The following AKAP17A variants were observed in gnomAD, a reference collection of about 807,000 sequenced individuals.
The protein encoded by AKAP17A is A-kinase anchoring protein 17A.
In AKAP17A, 15 loss-of-function variants were observed where a neutral mutation model predicts 52.2. The observed-to-expected ratio is 0.29, with a 90% CI of 0.19 to 0.44. AKAP17A has a LOEUF of 0.44. Among genes scored for constraint, AKAP17A ranks in the 20% least tolerant of loss-of-function variants. AKAP17A has a pLI of 1.00. For missense variants in AKAP17A, 1,060 were observed against 1,007.0 expected, an observed-to-expected ratio of 1.05 and a Z score of -0.71; for synonymous variants, 514 against 424.7, an observed-to-expected ratio of 1.21 and a Z score of -2.58.
chrX:1,598,407 C>G (rs1933139338), intron 3 of AKAP17A, among the ~76,000 whole-genome samples: 1 of 152,148 alleles, frequency 6.6e-6, no homozygotes, highest in South Asian at 2.1e-4. Flanking sequence ...TCTGTGTCAC[C>G]CCGGCGGGCT....
At chrX:1,593,163 T>C (rs1348319209) in intron 1 of AKAP17A, among the ~76,000 whole-genome samples, 1 of 152,158 alleles carries the variant, frequency 6.6e-6, no homozygotes, top group Non-Finnish European at 1.5e-5. Flanking sequence ...AGCTGCTGGC[T>C]GCTGGATGTA....
chrX:1,592,740 A>T (rs1450804505), intron 1 of AKAP17A, among the ~76,000 whole-genome samples: 3 of 152,064 alleles, frequency 2.0e-5, no homozygotes, highest in African/African-American at 7.2e-5. Context: ...GGCCGTCAGG[A>T]AGTGGCTGCC....
intron 3 of AKAP17A, among the ~76,000 whole-genome samples, chrX:1,598,114 G>A (rs747882783): frequency 1.1e-3 from 169 of 152,310 alleles, no homozygotes; most frequent in African/African-American, 3.8e-3. Context: ...GCCCAGCCTC[G>A]AGGCGTCGCT....
rs202221577 is a variant in AKAP17A, at chrX:1,593,516, T to C, written c.54T>C (p.Pro18=). The C allele has an allele frequency of 3.8e-4, 618 of 1,613,808 alleles. 8 individuals are homozygous for C. The East Asian group carries it at 0.012, about 32-fold the overall frequency. Residue 18 remains proline, a synonymous_variant, in exon 2 of 5, where the codon CCT becomes CCC. Transcript: ENST00000313871. The part of the protein sequence containing the change: ...HDTSEAVELC[P]AYGLYLKPIT... ...CGTCTGAGGCCGTGGAGCTCTGCCCTGCTTACGGCTTGTACCTGAAGCCCA... is the reference window on the plus strand; with the variant it reads ...CGTCTGAGGCCGTGGAGCTCTGCCCCGCTTACGGCTTGTACCTGAAGCCCA...
rs1933435368 is a variant in AKAP17A, at chrX:1,602,342, T to G, written c.*748T>G. 1 of 152,166 alleles carries G rather than the reference T, an allele frequency of 6.6e-6. No individual in the cohort carries two copies. Among genetic ancestry groups the G allele is most frequent in the African/African-American group, 2.4e-5 (1 of 41,448 alleles). The allele number at this position is 152,166 out of a possible 1,614,324, so 9.4% of individuals were successfully genotyped here. On this transcript the variant is annotated 3_prime_UTR_variant, in exon 5 of 5. Transcript: ENST00000313871. The stretch of plus-strand genomic sequence containing the variant: ...TTAAGAAGCTGTTTTGCTAAATTAT[T>G]TTTACTTGGAATGTTTCAAACAGAT...
At chrX:1,598,855 G>A (rs1202536623) in intron 3 of AKAP17A, among the ~76,000 whole-genome samples, 1 of 152,216 alleles carries the variant, frequency 6.6e-6, no homozygotes, top group African/African-American at 2.4e-5. Flanking sequence ...GCCTGCTGGG[G>A]TTCCTCTTTC....
chrX:1,595,647 T>C, intron 3 of AKAP17A, 115 bp downstream of exon 3: 1 of 1,470,054 alleles, frequency 6.8e-7, no homozygotes, highest in Non-Finnish European at 9.4e-7. Flanking sequence ...CATGCATGCT[T>C]GTGAGCTTGT....
chrX:1,598,268 G>T (rs1331600243), intron 3 of AKAP17A, among the ~76,000 whole-genome samples: 5 of 152,196 alleles, frequency 3.3e-5, no homozygotes, highest in African/African-American at 1.2e-4. Flanking sequence ...CGGAGACCGT[G>T]TGGATCACTG....
At chrX:1,592,132 G>T (rs1241344705) in intron 1 of AKAP17A, among the ~76,000 whole-genome samples, 5 of 151,772 alleles carry the variant, frequency 3.3e-5, no homozygotes, top group African/African-American at 9.7e-5. Flanking sequence ...GGGACGTGGC[G>T]CTGCGGTCGC....
chrX:1,593,805 G>T lies in AKAP17A; in HGVS notation c.343G>T (p.Ala115Ser). 1 of 1,612,998 alleles carries T rather than the reference G, an allele frequency of 6.2e-7. No homozygotes were observed. The highest frequency in any genetic ancestry group is 1.7e-5 in the Admixed American group (1 of 59,980). ...GFSDILKVRA[A>S]EFKIDFPTRH... Reference sequence around the variant, plus strand: ...CTCCGACATCCTGAAGGTGCGCGCGGCCGAGTTCAAGATCGACTTCCCCAC... The same window carrying T: ...CTCCGACATCCTGAAGGTGCGCGCGTCCGAGTTCAAGATCGACTTCCCCAC... Residue 115 changes from alanine (A) to serine (S), a missense_variant, in exon 2 of 5, where the codon GCC becomes TCC. Physicochemically the swap from Ala to Ser is moderately conservative, Grantham distance 99. Around this residue, in one of 2 missense-constraint regions of AKAP17A, gnomAD observed 267 missense variants for 377.1 expected, o/e 0.71. Transcript: ENST00000313871.
rs1932885387 is a variant in AKAP17A, at chrX:1,593,839, A to G, written c.377A>G (p.Asp126Gly). The G allele has an allele frequency of 6.2e-7, 1 of 1,612,406 alleles. No individual in the cohort carries two copies. Among genetic ancestry groups the G allele is most frequent in the Admixed American group, 1.7e-5 (1 of 59,920 alleles). ...AAGATCGACTTCCCCACCCGCCACG[A>G]CTGGGACTCCTTCTTCCGCGACGCC... Reference protein sequence around the residue: ...EFKIDFPTRHDWDSFFRDAKD... With the variant: ...EFKIDFPTRHGWDSFFRDAKD... Residue 126 changes from aspartate (D) to glycine (G), a missense_variant, in exon 2 of 5, where the codon GAC becomes GGC. By Grantham distance (94) the Asp-to-Gly change is moderately conservative. This residue lies in a region of AKAP17A where 267 missense variants were observed against 377.1 expected (regional missense o/e 0.71). Transcript: ENST00000313871.
intron 3 of AKAP17A, 115 bp from the exon 4 acceptor site, chrX:1,599,077 A>C: frequency 2.0e-6 from 3 of 1,484,204 alleles, no homozygotes; most frequent in Non-Finnish European, 1.8e-6. Context: ...TAAAGAGTTA[A>C]ATGCTTAATC....
At chrX:1,591,918 C>CG (rs1932843892) in intron 1 of AKAP17A, 149 bp downstream of exon 1, 1 of 21,708 alleles carries the variant, frequency 4.6e-5, no homozygotes, top group Non-Finnish European at 8.6e-5. Context: ...GGGGTGCCAC[C>CG]GGGGGGCTGG....
Position 1,601,360 on chromosome X carries a change from C to A in AKAP17A, c.1854C>A (p.Arg618=). ...RASSREDGRP[R]KERRPHKKHA... ...GCAGCAGGGAGGACGGGAGGCCACG[C>A]AAGGAGCGGCGGCCCCACAAGAAGC... is the stretch of plus-strand genomic sequence containing the variant. Residue 618 remains arginine (R), a synonymous_variant, in exon 5 of 5, where the codon CGC becomes CGA. Coordinates refer to ENST00000313871, the MANE Select transcript of AKAP17A (RefSeq NM_005088.3). The A allele has an allele frequency of 6.3e-7, 1 of 1,584,706 alleles. No individual in the cohort carries two copies. Among genetic ancestry groups the A allele is most frequent in the Non-Finnish European group, 8.5e-7 (1 of 1,169,972 alleles).
chrX:1,601,246 C>G lies in AKAP17A; in HGVS notation c.1740C>G (p.Asn580Lys). 2 of 1,613,780 alleles carry G rather than the reference C, an allele frequency of 1.2e-6. No homozygotes were observed. The highest frequency in any genetic ancestry group is 1.7e-6 in the Non-Finnish European group (2 of 1,179,758). ...KDTRSEQDKC[N>K]REPSKGRGRA... ...CCCGGTCAGAACAGGACAAGTGCAA[C>G]CGGGAGCCCAGCAAGGGCCGGGGCC... Residue 580 changes from asparagine to lysine, a missense_variant, in exon 5 of 5, where the codon AAC (asparagine) becomes AAG (lysine). By Grantham distance (94) the Asn-to-Lys change is moderately conservative. This residue lies in a region of AKAP17A where 793 missense variants were observed against 629.9 expected (regional missense o/e 1.26). Transcript: ENST00000313871.
intron 2 of AKAP17A, 117 bp downstream of exon 2, chrX:1,594,341 A>T (rs1371072852): frequency 1.6e-6 from 2 of 1,244,704 alleles, no homozygotes; most frequent in Non-Finnish European, 2.2e-6. Flanking sequence ...TCCCCTAAGT[A>T]AAATGGCAGC....
At chrX:1,597,376 C>G (rs1450197889) in intron 3 of AKAP17A, among the ~76,000 whole-genome samples, 2 of 152,182 alleles carry the variant, frequency 1.3e-5, no homozygotes, top group Non-Finnish European at 2.9e-5. Flanking sequence ...TTCCCAGGAC[C>G]TAAGGCAGGC....
intron 2 of AKAP17A, 42 bp from the exon 3 acceptor site, chrX:1,595,342 G>C (rs757731182): frequency 6.2e-7 from 1 of 1,611,842 alleles, no homozygotes; most frequent in South Asian, 1.1e-5. Context: ...TGTCTGGGGG[G>C]TTTTGGGGGA....
At position 1,601,102 on chromosome X, in the gene AKAP17A, C is replaced by G. The variant is rs755764967; in HGVS notation, c.1596C>G (p.Val532=). ...AGGTTCAGAGCTCCTGTCGTGTGGTCCCCGAGGATGGCTCTCCAGAGAAGA... is the reference window on the plus strand; with the variant it reads ...AGGTTCAGAGCTCCTGTCGTGTGGTGCCCGAGGATGGCTCTCCAGAGAAGA... ...CKEVQSSCRV[V]PEDGSPEKRC... is the part of the protein sequence containing the mutation. Residue 532 remains valine (V), a synonymous_variant, in exon 5 of 5, where the codon GTC becomes GTG. Coordinates refer to ENST00000313871, the MANE Select transcript of AKAP17A (RefSeq NM_005088.3). 1 of 1,613,818 alleles carries G rather than the reference C, an allele frequency of 6.2e-7. No homozygotes were observed. Among genetic ancestry groups the G allele is most frequent in the South Asian group, 1.1e-5 (1 of 91,074 alleles).
Sources: gnomAD v4.1 joint callset for allele counts (sites outside exome capture counted in the v4.1 genomes callset) on GRCh38, gnomAD v4.1.1 for gene constraint, gnomAD v4.1.1 regional missense constraint, MANE v1.5 for transcripts, NCBI Gene and HGNC (gene_info 2026-07-23, HGNC 2026-07-21) for gene names.